The following FSCN2 variants were observed in gnomAD, a reference collection of about 807,000 sequenced individuals.
FSCN2 encodes fascin actin-bundling protein 2, retinal.
A neutral mutation model predicts 37.8 loss-of-function variants in FSCN2; 46 were observed. That is an observed-to-expected ratio of 1.22 (90% CI 0.96 to 1.56). The LOEUF (loss-of-function observed/expected upper bound fraction) is 1.56. FSCN2 is among the 40% of genes most tolerant of loss of function. The pLI is 0.00. For synonymous variants in FSCN2, 351 were observed against 309.4 expected, an observed-to-expected ratio of 1.13 and a Z score of -1.41; for missense variants, 844 against 730.4, an observed-to-expected ratio of 1.16 and a Z score of -1.79.
chr17:81,534,817 G>T (rs1265594148), intron 1 of FSCN2, among the ~76,000 whole-genome samples: 1 of 151,742 alleles, frequency 6.6e-6, no homozygotes, highest in Non-Finnish European at 1.5e-5. Flanking sequence ...GCTCCTGGGG[G>T]TGTGGAGGGA....
At chr17:81,531,170 G>GAT (rs1555671188) in intron 1 of FSCN2, among the ~76,000 whole-genome samples, 2 of 150,084 alleles carry the variant, frequency 1.3e-5, no homozygotes, top group African/African-American at 2.5e-5. Context: ...TGATGATGGT[G>GAT]GTGATGGTGA....
At chr17:81,529,533 T>A in intron 1 of FSCN2, 176 bp downstream of exon 1, 1 of 772,192 alleles carries the variant, frequency 1.3e-6, no homozygotes, top group Non-Finnish European at 2.3e-6. Context: ...TGGGTGGGCC[T>A]CGGGCCATGC....
upstream of FSCN2, among the ~76,000 whole-genome samples, chr17:81,524,800 G>A (rs1555669851): frequency 6.6e-6 from 1 of 151,986 alleles, no homozygotes. Flanking sequence ...TAGGCTCTCA[G>A]GCTGGGATCC....
At position 81,531,336 on chromosome 17, in the gene FSCN2, ATGGTGG is replaced by A. The variant is rs1555671268; in HGVS notation, c.826+1985_826+1990del. On this transcript the variant is annotated intron_variant, in intron 1 of 4. Coordinates refer to ENST00000417245, the MANE Select transcript of FSCN2 (RefSeq NM_012418.4). ...GGTGGTGATGATGGTGGTGGTGGTG[ATGGTGG>A]TGGTGATGATGGTGATGGTGATGAT... is the stretch of plus-strand genomic sequence containing the variant. Among the ~76,000 whole-genome samples the A allele has an allele frequency of 1.8e-4, 8 of 45,458 alleles. No individual in the cohort carries two copies. The East Asian group carries it at 3.2e-3, about 18-fold the overall frequency. The allele number at this position is 45,458 out of a possible 152,430, so 29.8% of individuals were successfully genotyped here.
chr17:81,518,705 C>T, the FSCN2 span, among the ~76,000 whole-genome samples: 1 of 152,162 alleles, frequency 6.6e-6, no homozygotes, highest in Non-Finnish European at 1.5e-5. Context: ...GTAGGGAAAG[C>T]CTGTTTAACC....
rs779404150 is a variant in FSCN2 at position 81,536,136 on chromosome 17, C to T, written c.984-10C>T. The T allele has an allele frequency of 2.1e-5, 34 of 1,606,112 alleles. 1 individual carries two copies. The South Asian group carries it at 3.6e-4, about 17-fold the overall frequency. ...GCTGTCCTGAGGAGACCTTTTGCTG[C>T]TCCCTCCAGTTCTGCCAACACCATG... On this transcript the variant is annotated splice_polypyrimidine_tract_variant and intron_variant, in intron 2 of 4. Transcript: ENST00000417245.
In FSCN2 at chr17:81,537,112, A is replaced by G; in HGVS notation, c.*32A>G. 7.3e-7 allele frequency: 1 copy of G among 1,373,270 alleles called. No individual in the cohort carries two copies. Among genetic ancestry groups the G allele is most frequent in the South Asian group, 1.6e-5 (1 of 62,396 alleles). The allele number at this position is 1,373,270 out of a possible 1,614,324, so 85.1% of individuals were successfully genotyped here. ...GCCCAGACCAGCCTGTCGCGCATTA[A>G]AACCGTGTCTCTCCCGCAGCTGTGG... On this transcript the variant is annotated 3_prime_UTR_variant, in exon 5 of 5. Transcript: ENST00000417245.
the FSCN2 span, among the ~76,000 whole-genome samples, chr17:81,516,891 T>G: frequency 2.1e-5 from 3 of 146,264 alleles, no homozygotes; most frequent in Non-Finnish European, 4.7e-5. Flanking sequence ...TCTCTGCATG[T>G]TTTGTCCAAT....
the FSCN2 span, among the ~76,000 whole-genome samples, chr17:81,521,990 C>T: frequency 3.3e-5 from 5 of 152,284 alleles, no homozygotes; most frequent in Non-Finnish European, 7.4e-5. Flanking sequence ...CACGTTATAA[C>T]GTTTTGTTGT....
chr17:81,527,250 G>A (rs1265055220), upstream of FSCN2: 6 of 152,392 alleles, frequency 3.9e-5, no homozygotes, highest in African/African-American at 4.8e-5. Context: ...CAGGAGGACA[G>A]GGGAGTGACT....
intron 1 of FSCN2, 150 bp from the exon 2 acceptor site, chr17:81,534,902 T>G: frequency 1.7e-6 from 1 of 572,336 alleles, no homozygotes; most frequent in East Asian, 3.2e-5. Context: ...GTTCCCAGGG[T>G]CTCTGAGAGG....
the FSCN2 span, among the ~76,000 whole-genome samples, chr17:81,520,564 C>T: frequency 6.6e-6 from 1 of 152,244 alleles, no homozygotes; most frequent in Non-Finnish European, 1.5e-5. Flanking sequence ...TGCGTATCGG[C>T]AAGTGCCTTG....
chr17:81,529,070 G>T lies in FSCN2; in HGVS notation c.539G>T (p.Arg180Leu), dbSNP rs782188805. The T allele has an allele frequency of 1.3e-6, 2 of 1,590,790 alleles. No individual in the cohort carries two copies. The highest frequency in any genetic ancestry group is 4.6e-5 in the East Asian group (2 of 43,748). Residue 180 changes from arginine to leucine, a missense_variant, in exon 1 of 5, where the codon CGG becomes CTG. Coordinates refer to ENST00000417245, the MANE Select transcript of FSCN2 (RefSeq NM_012418.4). ...GACGCCCTCCTCACCCTCATCTTCCGGAGCCGACGGTACTGCCTCAAGTCC... is the reference window on the plus strand; with the variant it reads ...GACGCCCTCCTCACCCTCATCTTCCTGAGCCGACGGTACTGCCTCAAGTCC... Reference protein sequence around the residue: ...GVDALLTLIFRSRRYCLKSCD... With the variant: ...GVDALLTLIFLSRRYCLKSCD...
chr17:81,533,930 T>C (rs2032774168), intron 1 of FSCN2, among the ~76,000 whole-genome samples: 1 of 152,136 alleles, frequency 6.6e-6, no homozygotes, highest in African/African-American at 2.4e-5. Context: ...CCCACACCTC[T>C]CATGGGCCCC....
In FSCN2 at chr17:81,529,055, T is replaced by A. The variant is rs2032456382; in HGVS notation, c.524T>A (p.Leu175His). 1 of 1,591,782 alleles carries A rather than the reference T, an allele frequency of 6.3e-7. No individual in the cohort carries two copies. Among genetic ancestry groups the A allele is most frequent in the South Asian group, 1.1e-5 (1 of 88,088 alleles). Reference sequence around the variant, plus strand: ...AAGCCCTGGGGCGTGGACGCCCTCCTCACCCTCATCTTCCGGAGCCGACGG... The same window carrying A: ...AAGCCCTGGGGCGTGGACGCCCTCCACACCCTCATCTTCCGGAGCCGACGG... ...GDKPWGVDAL[L>H]TLIFRSRRYC... Residue 175 changes from leucine (L) to histidine (H), a missense_variant, in exon 1 of 5, where the codon CTC (leucine) becomes CAC (histidine). Coordinates refer to ENST00000417245, the MANE Select transcript of FSCN2 (RefSeq NM_012418.4).
At chr17:81,522,773 C>T in the FSCN2 span, among the ~76,000 whole-genome samples, 3 of 152,228 alleles carry the variant, frequency 2.0e-5, no homozygotes, top group African/African-American at 7.2e-5. Flanking sequence ...TGTGTAAGTC[C>T]AGCTGGGCTG....
intron 1 of FSCN2, among the ~76,000 whole-genome samples, chr17:81,532,619 AATGGTGATG>A (rs1344615459): frequency 1.3e-5 from 1 of 77,574 alleles, no homozygotes; most frequent in African/African-American, 4.7e-5. Flanking sequence ...TGGTGATGAT[AATGGTGATG>A]ATGGTGATGG....
the FSCN2 span, among the ~76,000 whole-genome samples, chr17:81,516,176 C>T: frequency 6.2e-4 from 94 of 152,358 alleles, no homozygotes; most frequent in African/African-American, 2.1e-3. Context: ...CTAAATGAAA[C>T]GATGGACCCT....
At chr17:81,536,492 G>C (rs946698237) in intron 3 of FSCN2, 130 bp from the exon 4 acceptor site, 103 of 1,533,440 alleles carry the variant, frequency 6.7e-5, no homozygotes, top group Non-Finnish European at 7.8e-5. Flanking sequence ...CCTTGCCAAG[G>C]CCGCACATGA....
Sources: allele counts gnomAD v4.1 joint callset (sites outside exome capture counted in the v4.1 genomes callset), GRCh38; gene constraint gnomAD v4.1.1; transcripts MANE v1.5; gene names NCBI Gene and HGNC (gene_info 2026-07-23, HGNC 2026-07-21).